The following BOD1L1 variants were observed in gnomAD, a reference collection of about 807,000 sequenced individuals.
BOD1L1 encodes biorientation of chromosomes in cell division protein 1-like 1.
BOD1L1 carries 86 observed loss-of-function variants against 240.7 expected under a neutral mutation model. The observed-to-expected ratio is 0.36, with a 90% CI of 0.30 to 0.43. BOD1L1 has a LOEUF of 0.43. BOD1L1 is among the 20% of genes least tolerant of loss of function. BOD1L1 has a pLI of 1.00. For missense variants in BOD1L1, 3,554 were observed against 3,643.5 expected, an observed-to-expected ratio of 0.98 and a Z score of 0.63; for synonymous variants, 1,268 against 1,272.3, an observed-to-expected ratio of 1.00 and a Z score of 0.07.
chr4:13,621,260 C>T (rs1429565347), intron 1 of BOD1L1, among the ~76,000 whole-genome samples: 4 of 152,226 alleles, frequency 2.6e-5, no homozygotes, highest in Non-Finnish European at 4.4e-5. Context: ...TTCTTCTATA[C>T]AGCTTTTAAT....
chr4:13,606,335 C>T (rs200208078), intron 9 of BOD1L1, among the ~76,000 whole-genome samples: 21 of 152,056 alleles, frequency 1.4e-4, no homozygotes, highest in African/African-American at 4.1e-4. Context: ...CTTCTAAATA[C>T]GCCTTTAATT....
At position 13,596,992 on chromosome 4, in the gene BOD1L1, A is replaced by G. The variant is rs1243599233; in HGVS notation, c.8019+112T>C. 1.6e-5 allele frequency: 13 copies of G among 836,900 alleles called. No individual in the cohort carries two copies. In the Admixed American group the frequency reaches 2.4e-4, roughly 16 times the overall value. The allele number at this position is 836,900 out of a possible 1,614,324, so 51.8% of individuals were successfully genotyped here. On this transcript the variant is annotated intron_variant, in intron 11 of 25. Coordinates refer to ENST00000040738, the MANE Select transcript of BOD1L1 (RefSeq NM_148894.3). ...TATGGCAATAACAACACTAAATATC[A>G]TAAGTACAATGAGAACAGGACCTAT... is the stretch of plus-strand genomic sequence containing the variant.
At position 13,615,385 on chromosome 4, in the gene BOD1L1, T is replaced by C. The variant is rs1716508360; in HGVS notation, c.486A>G (p.Leu162=). 2.5e-6 allele frequency: 4 copies of C among 1,613,832 alleles called. No homozygotes were observed. The highest frequency in any genetic ancestry group is 2.5e-6 in the Non-Finnish European group (3 of 1,179,762). Residue 162 remains leucine, a synonymous_variant, in exon 3 of 26, where the codon CTA becomes CTG. Coordinates refer to ENST00000040738, the MANE Select transcript of BOD1L1 (RefSeq NM_148894.3). ...EKAVHEFLAT[L]NHKEEGSGNT... is the part of the protein sequence containing the mutation. ...TGCCACTTCCTTCCTCTTTGTGATT[T>C]AGCGTGGCCAAAAACTCATGCACAG...
At chr4:13,588,916 A>G in intron 14 of BOD1L1, 124 bp from the exon 15 acceptor site, 1 of 588,412 alleles carries the variant, frequency 1.7e-6, no homozygotes, top group Non-Finnish European at 2.9e-6. Context: ...TACCAGTTAT[A>G]TACAGGGCAT....
chr4:13,602,271 T>C lies in BOD1L1; in HGVS notation c.4629A>G (p.Ser1543=). Residue 1543 remains serine (S), a synonymous_variant, in exon 10 of 26, where the codon TCA becomes TCG. Transcript: ENST00000040738. ...VKAGPATTTS[S]ETRQSEVALP... is the part of the protein sequence containing the mutation. ...AAGCCACCTCACTTTGTCTTGTTTC[T>C]GAAGAAGTGGTTGTGGCAGGCCCAG... The C allele has an allele frequency of 1.2e-6, 2 of 1,614,022 alleles. No individual in the cohort carries two copies. The highest frequency in any genetic ancestry group is 1.7e-6 in the Non-Finnish European group (2 of 1,179,886).
Position 13,601,044 on chromosome 4 carries a change from C to G in BOD1L1, c.5856G>C (p.Gly1952=), listed in dbSNP as rs771702352. The G allele has an allele frequency of 3.1e-6, 5 of 1,613,970 alleles. No individual in the cohort carries two copies. In the South Asian group the frequency reaches 5.5e-5, roughly 18 times the overall value. ...CACTGGTCACACTGCTTTCTACAAT[C>G]CCTTTTGCACTGGAGCAGATATCTG... is the stretch of plus-strand genomic sequence containing the variant. The part of the protein sequence containing the change: ...KDTDICSSAK[G]IVESSVTSAV... Residue 1952 remains glycine, a synonymous_variant, in exon 10 of 26, where the codon GGG becomes GGC. Coordinates refer to ENST00000040738, the MANE Select transcript of BOD1L1 (RefSeq NM_148894.3).
chr4:13,571,137 G>T (rs1032151502), intron 25 of BOD1L1, among the ~76,000 whole-genome samples: 1 of 152,172 alleles, frequency 6.6e-6, no homozygotes, highest in African/African-American at 2.4e-5. Flanking sequence ...AAAAAAGTTT[G>T]AAAGTCTTAT....
rs1713336861 is a variant in BOD1L1 at position 13,582,727 on chromosome 4, A to C, written c.8443T>G (p.Ser2815Ala). ...TTAGGTAATTCTTCCAAATCTCTGG[A>C]GTTCTCTTCCTATAGAGAAGTTGAA... ...TEPHDTKEEN[S>A]RDLEELPKTS... Residue 2815 changes from serine (S) to alanine (A), a missense_variant, in exon 18 of 26, where the codon TCC (serine) becomes GCC (alanine). Ser to Ala is a moderately conservative substitution (Grantham distance 99). This residue lies in a region of BOD1L1 where 3,393 missense variants were observed against 3,427.1 expected (regional missense o/e 0.99). Transcript: ENST00000040738. The C allele has an allele frequency of 1.9e-6, 3 of 1,608,682 alleles. No homozygotes were observed. Among genetic ancestry groups the C allele is most frequent in the African/African-American group, 1.3e-5 (1 of 74,784 alleles).
Position 13,600,142 on chromosome 4 carries a change from C to A in BOD1L1, c.6758G>T (p.Ser2253Ile). 6.2e-7 allele frequency: 1 copy of A among 1,614,006 alleles called. No individual in the cohort carries two copies. The highest frequency in any genetic ancestry group is 8.5e-7 in the Non-Finnish European group (1 of 1,179,898). ...AGTVMEEKDGSGIISTSSVED... is the reference protein window; with the variant it reads ...AGTVMEEKDGIGIISTSSVED... The stretch of plus-strand genomic sequence containing the variant: ...CACCGAGCTCGTAGAGATGATGCCA[C>A]TCCCGTCTTTTTCTTCCATGACTGT... Residue 2253 changes from serine to isoleucine, a missense_variant, in exon 10 of 26, where the codon AGT becomes ATT. Physicochemically the swap from Ser to Ile is moderately radical, Grantham distance 142 (BLOSUM62 -2). This residue lies in a region of BOD1L1 where 3,393 missense variants were observed against 3,427.1 expected (regional missense o/e 0.99). Transcript: ENST00000040738.
In BOD1L1 at chr4:13,607,141, G is replaced by A. The variant is rs948838247; in HGVS notation, c.1791C>T (p.Ser597=). Residue 597 remains serine (S), a synonymous_variant, in exon 9 of 26, where the codon TCC becomes TCT. Transcript: ENST00000040738. ...SKKKQQYEED[S]KETLKTSEHC... Reference sequence around the variant, plus strand: ...CCTCACTTGTTTTAAGGGTTTCTTTGGAATCTTCTTCATATTGCTGTTTCT... The same window carrying A: ...CCTCACTTGTTTTAAGGGTTTCTTTAGAATCTTCTTCATATTGCTGTTTCT... 5 of 1,570,898 alleles carry A rather than the reference G, an allele frequency of 3.2e-6. No homozygotes were observed. Among genetic ancestry groups the A allele is most frequent in the Non-Finnish European group, 4.3e-6 (5 of 1,158,358 alleles).
chr4:13,589,585 T>C (rs1714024068), intron 14 of BOD1L1, among the ~76,000 whole-genome samples: 1 of 152,214 alleles, frequency 6.6e-6, no homozygotes, highest in South Asian at 2.1e-4. Flanking sequence ...AGGTTACATA[T>C]TGTTTATGGA....
Position 13,569,960 on chromosome 4 carries a change from C to G in BOD1L1, c.*51G>C. 2 of 1,363,134 alleles carry G rather than the reference C, an allele frequency of 1.5e-6. No individual in the cohort carries two copies. The highest frequency in any genetic ancestry group is 9.7e-7 in the Non-Finnish European group (1 of 1,025,854). 84.4% of individuals were successfully genotyped at this position (1,363,134 alleles called of 1,614,324 possible). A position where few individuals can be genotyped will look rare whatever the true frequency, so the allele number is the denominator to read the frequency against. On this transcript the variant is annotated 3_prime_UTR_variant, in exon 26 of 26. Coordinates refer to ENST00000040738, the MANE Select transcript of BOD1L1 (RefSeq NM_148894.3). ...AGCCTATGGCCACCAAGGCATGTCT[C>G]TTTCCTCTCCACCGTGTTCCTCCAT...
At chr4:13,617,940 C>T (rs1013283954) in intron 2 of BOD1L1, among the ~76,000 whole-genome samples, 53 of 152,164 alleles carry the variant, frequency 3.5e-4, no homozygotes, top group African/African-American at 1.2e-3. Flanking sequence ...CAAGAGAAGG[C>T]AGCTGTCTTC....
At chr4:13,588,432 T>C (rs930763823) in intron 15 of BOD1L1, among the ~76,000 whole-genome samples, 2 of 152,198 alleles carry the variant, frequency 1.3e-5, no homozygotes, top group Non-Finnish European at 2.9e-5. Flanking sequence ...AATTAGTATT[T>C]TTCTACTGTC....
chr4:13,587,149 T>C (rs1713769586), intron 16 of BOD1L1, among the ~76,000 whole-genome samples: 1 of 152,196 alleles, frequency 6.6e-6, no homozygotes. Flanking sequence ...GCTACTGAAA[T>C]ATAAAATAAT....
intron 2 of BOD1L1, among the ~76,000 whole-genome samples, chr4:13,617,516 C>T (rs191947753): frequency 2.5e-4 from 38 of 152,318 alleles, no homozygotes; most frequent in African/African-American, 7.9e-4. Context: ...CCTAGGTCAA[C>T]GGCAAAGCCA....
intron 18 of BOD1L1, 126 bp from the exon 19 acceptor site, chr4:13,582,436 C>G (rs1224437364): frequency 5.2e-6 from 4 of 769,646 alleles, no homozygotes; most frequent in Non-Finnish European, 8.4e-6. Context: ...TTTCTACCAT[C>G]AAAATTAACA....
Position 13,588,807 on chromosome 4 carries a change from C to CA in BOD1L1, c.8210-16dup. On this transcript the variant is annotated splice_polypyrimidine_tract_variant and intron_variant, in intron 14 of 25. Coordinates refer to ENST00000040738, the MANE Select transcript of BOD1L1 (RefSeq NM_148894.3). ...ACTGGATATCTCTGAGTAATAAATA[C>CA]AAAAAAGAAAAAAAAATCTTAAATA... 1 of 1,523,146 alleles carries CA rather than the reference C, an allele frequency of 6.6e-7. No homozygotes were observed. Among genetic ancestry groups the CA allele is most frequent in the Non-Finnish European group, 8.8e-7 (1 of 1,132,810 alleles). The allele number at this position is 1,523,146 out of a possible 1,614,324, so 94.4% of individuals were successfully genotyped here. A position where few individuals can be genotyped will look rare whatever the true frequency, so the allele number is the denominator to read the frequency against.
intron 1 of BOD1L1, chr4:13,625,005 T>G (rs1394780426): frequency 6.6e-6 from 1 of 152,236 alleles, no homozygotes; most frequent in African/African-American, 2.4e-5. Context: ...CCACCGGGCC[T>G]GGCCATACTG....
Sources: allele counts gnomAD v4.1 joint callset (sites outside exome capture counted in the v4.1 genomes callset), GRCh38; gene constraint gnomAD v4.1.1; regional missense constraint gnomAD v4.1.1; transcripts MANE v1.5; gene names NCBI Gene and HGNC (gene_info 2026-07-23, HGNC 2026-07-21).